SFXN5: variants seen among roughly 807,000 people sequenced by gnomAD.
SFXN5 encodes the protein sideroflexin-5.
SFXN5 carries 43 observed loss-of-function variants against 50.2 expected under a neutral mutation model. The ratio of observed to expected loss-of-function variants is 0.86; its 90% confidence interval spans 0.67 to 1.11. SFXN5 has a LOEUF of 1.11. Among genes scored for constraint, SFXN5 ranks in the 50% least tolerant of loss-of-function variants. SFXN5 has a pLI of 0.00. For synonymous variants in SFXN5, 203 were observed against 185.8 expected (o/e 1.09, Z -0.75); for missense variants, 463 against 454.1 (o/e 1.02, Z -0.18).
intron 6 of SFXN5, among the ~76,000 whole-genome samples, chr2:73,007,792 T>G (rs939876664): frequency 3.3e-5 from 5 of 152,208 alleles, no homozygotes; most frequent in African/African-American, 9.7e-5. Flanking sequence ...CTACTGTGTC[T>G]CCATCTTCTG....
intron 9 of SFXN5, among the ~76,000 whole-genome samples, chr2:72,991,260 AAC>A (rs991476954): frequency 1.3e-5 from 2 of 152,086 alleles, no homozygotes; most frequent in African/African-American, 4.8e-5. Context: ...GAAGAGAGAA[AAC>A]AGTGTCCTCG....
intron 1 of SFXN5, among the ~76,000 whole-genome samples, chr2:73,068,699 G>A (rs1049119356): frequency 6.6e-6 from 1 of 152,026 alleles, no homozygotes; most frequent in African/African-American, 2.4e-5. Context: ...AGTCAACAGG[G>A]AGTAAAGACA....
At chr2:73,009,021 T>C (rs1675133239) in intron 6 of SFXN5, among the ~76,000 whole-genome samples, 1 of 152,184 alleles carries the variant, frequency 6.6e-6, no homozygotes, top group Non-Finnish European at 1.5e-5. Flanking sequence ...AGAAGGCAGC[T>C]TGACTGTGGT....
chr2:72,991,355 CAT>C (rs1348556368), intron 9 of SFXN5, among the ~76,000 whole-genome samples: 4 of 152,272 alleles, frequency 2.6e-5, no homozygotes, highest in Non-Finnish European at 2.9e-5. Context: ...GTGCGGCACA[CAT>C]ATGTTTCTGA....
chr2:73,036,182 G>C (rs1678951866), intron 3 of SFXN5, among the ~76,000 whole-genome samples: 1 of 151,964 alleles, frequency 6.6e-6, no homozygotes, highest in African/African-American at 2.4e-5. Flanking sequence ...CAGGAACAGT[G>C]ACTGTTAACT....
intron 3 of SFXN5, among the ~76,000 whole-genome samples, chr2:73,030,123 A>C (rs951998686): frequency 6.6e-6 from 1 of 152,010 alleles, no homozygotes; most frequent in Admixed American, 6.6e-5. Context: ...AACGAACAAA[A>C]AAAAACAAAA....
intron 13 of SFXN5, among the ~76,000 whole-genome samples, chr2:72,947,452 C>T (rs191251152): frequency 1.3e-5 from 2 of 152,340 alleles, no homozygotes; most frequent in East Asian, 3.9e-4. Flanking sequence ...CCCCGCCGGA[C>T]ATTTGCCCTG....
At chr2:72,985,777 A>C (rs1304848016) in intron 10 of SFXN5, among the ~76,000 whole-genome samples, 3 of 152,184 alleles carry the variant, frequency 2.0e-5, no homozygotes, top group East Asian at 1.9e-4. Flanking sequence ...GAGCGGCTGA[A>C]GCCTCATTCC....
intron 5 of SFXN5, among the ~76,000 whole-genome samples, chr2:73,021,071 G>A (rs962337170): frequency 6.6e-6 from 1 of 152,186 alleles, no homozygotes; most frequent in Non-Finnish European, 1.5e-5. Flanking sequence ...ACTTCTCTCT[G>A]GGGAGAGAAC....
In SFXN5 at chr2:73,035,079, T is replaced by C. The variant is rs1351478172; in HGVS notation, c.249+5775A>G. On this transcript the variant is annotated intron_variant, in intron 3 of 13. Coordinates refer to ENST00000272433, the MANE Select transcript of SFXN5 (RefSeq NM_144579.3). Reference sequence around the variant, plus strand: ...ACCTCTCTGAGTCTCACTGGAAAATTGGGTTGATACAGGTACCTACTGACA... The same window carrying C: ...ACCTCTCTGAGTCTCACTGGAAAATCGGGTTGATACAGGTACCTACTGACA... Among the ~76,000 whole-genome samples the C allele has an allele frequency of 3.3e-5, 5 of 152,170 alleles. No individual in the cohort carries two copies. In the East Asian group the frequency reaches 9.6e-4, roughly 29 times the overall value.
At chr2:73,056,161 A>G (rs545778409) in intron 2 of SFXN5, among the ~76,000 whole-genome samples, 1 of 152,198 alleles carries the variant, frequency 6.6e-6, no homozygotes, top group East Asian at 1.9e-4. Context: ...ATAAAAATAA[A>G]TAATATTTGA....
chr2:73,008,896 G>A (rs1022072169), intron 6 of SFXN5, among the ~76,000 whole-genome samples: 1 of 152,158 alleles, frequency 6.6e-6, no homozygotes, highest in Non-Finnish European at 1.5e-5. Context: ...ACCAGCCTCT[G>A]GGAGAAAACC....
intron 6 of SFXN5, among the ~76,000 whole-genome samples, chr2:73,008,023 G>A (rs1674945605): frequency 6.6e-6 from 1 of 152,160 alleles, no homozygotes; most frequent in Non-Finnish European, 1.5e-5. Context: ...ATTGGGATTG[G>A]GATTTAAATG....
intron 6 of SFXN5, among the ~76,000 whole-genome samples, chr2:73,015,875 C>T (rs6707817): frequency 0.94 from 142,059 of 151,752 alleles, 66,605 homozygotes; most frequent in East Asian, 0.99. Context: ...GAATTTGAGG[C>T]TGCAGTGGGC....
chr2:73,044,663 C>T (rs947528891), intron 2 of SFXN5: 1 of 152,316 alleles, frequency 6.6e-6, no homozygotes, highest in Non-Finnish European at 1.5e-5. Context: ...AACAAACAGG[C>T]ACCAGCCCCT....
intron 2 of SFXN5, among the ~76,000 whole-genome samples, chr2:73,050,790 T>C (rs1470109087): frequency 1.3e-5 from 2 of 152,246 alleles, no homozygotes; most frequent in Non-Finnish European, 2.9e-5. Context: ...TGCTGGTTTC[T>C]CCTAAACATG....
chr2:72,987,722 T>G (rs1248876829), intron 10 of SFXN5, among the ~76,000 whole-genome samples: 1 of 151,236 alleles, frequency 6.6e-6, no homozygotes, highest in Non-Finnish European at 1.5e-5. Flanking sequence ...ACCACCATAC[T>G]CCAGCCTGAG....
rs1673767777 is a variant in SFXN5 at position 72,961,673 on chromosome 2, C to T, written c.828-425G>A. Among the ~76,000 whole-genome samples, 1 of 152,184 alleles carries T rather than the reference C, an allele frequency of 6.6e-6. No individual in the cohort carries two copies. The highest frequency in any genetic ancestry group is 1.5e-5 in the Non-Finnish European group (1 of 68,032). On this transcript the variant is annotated intron_variant, in intron 12 of 13. Coordinates refer to ENST00000272433, the MANE Select transcript of SFXN5 (RefSeq NM_144579.3). The surrounding 1 kb of genome is among the most constrained non-coding windows in gnomAD (Gnocchi z 4.4). ...AGCACGTAATTAAACAGCAAAGAAACCAGAGTAGGTGCCAAGTTCAGGGGA... is the reference window on the plus strand; with the variant it reads ...AGCACGTAATTAAACAGCAAAGAAATCAGAGTAGGTGCCAAGTTCAGGGGA...
chr2:72,950,718 G>A lies in SFXN5; in HGVS notation c.946-5619C>T, dbSNP rs1294321789. Reference sequence around the variant, plus strand: ...CCTGGCAGTGGCCTCTGGACCCATGGATAAGTGAAAGTGACTCAGGTCTGA... The same window carrying A: ...CCTGGCAGTGGCCTCTGGACCCATGAATAAGTGAAAGTGACTCAGGTCTGA... On this transcript the variant is annotated intron_variant, in intron 13 of 13. Coordinates refer to ENST00000272433, the MANE Select transcript of SFXN5 (RefSeq NM_144579.3). The surrounding 1 kb of genome is among the most constrained non-coding windows in gnomAD (Gnocchi z 4.2). Among the ~76,000 whole-genome samples, 1 of 152,252 alleles carries A rather than the reference G, an allele frequency of 6.6e-6. No homozygotes were observed. Among genetic ancestry groups the A allele is most frequent in the Non-Finnish European group, 1.5e-5 (1 of 68,044 alleles).
Sources: gnomAD v4.1 joint callset for allele counts (sites outside exome capture counted in the v4.1 genomes callset) on GRCh38, gnomAD v4.1.1 for gene constraint, Gnocchi (gnomAD v3.1) non-coding constraint, MANE v1.5 for transcripts, NCBI Gene and HGNC (gene_info 2026-07-23, HGNC 2026-07-21) for gene names.